The following RBMS1 variants were observed in gnomAD, a reference collection of about 807,000 sequenced individuals.
RBMS1 encodes RNA-binding motif, single-stranded-interacting protein 1.
Under a neutral mutation model 62.3 loss-of-function variants are expected in RBMS1, and 17 were observed. The ratio of observed to expected loss-of-function variants is 0.27; its 90% confidence interval spans 0.19 to 0.41. The LOEUF (loss-of-function observed/expected upper bound fraction) is 0.41. Among genes scored for constraint, RBMS1 ranks in the 10% least tolerant of loss-of-function variants. RBMS1 has a pLI of 1.00. For missense variants in RBMS1, 334 were observed against 504.5 expected, an observed-to-expected ratio of 0.66 and a Z score of 3.24; for synonymous variants, 172 against 170.0, an observed-to-expected ratio of 1.01 and a Z score of -0.09.
Position 160,310,252 on chromosome 2 carries a change from A to T in RBMS1, c.402+2904T>A, listed in dbSNP as rs77328924. Among the ~76,000 whole-genome samples the T allele has an allele frequency of 3.3e-3, 510 of 152,326 alleles. 2 individuals are homozygous for T. The highest frequency in any genetic ancestry group is 0.012 in the African/African-American group (491 of 41,576). On this transcript the variant is annotated intron_variant, in intron 4 of 13. Transcript: ENST00000348849. ...GTATGTGTGTGCACACATATAACAA[A>T]TGGTTCTGTTGGAATGGAAACACTG...
intron 1 of RBMS1, among the ~76,000 whole-genome samples, chr2:160,444,326 C>T (rs1043422141): frequency 1.3e-5 from 2 of 152,190 alleles, no homozygotes; most frequent in African/African-American, 2.4e-5. Context: ...GATATGTAAA[C>T]ATAAAGTACG....
At chr2:160,300,985 T>C (rs1315033884) in intron 5 of RBMS1, among the ~76,000 whole-genome samples, 1 of 152,234 alleles carries the variant, frequency 6.6e-6, no homozygotes, top group Non-Finnish European at 1.5e-5. Flanking sequence ...AGATCAAGTA[T>C]ATCAAACGGA....
intron 1 of RBMS1, among the ~76,000 whole-genome samples, chr2:160,451,131 T>C (rs983039316): frequency 1.4e-5 from 2 of 147,642 alleles, no homozygotes; most frequent in African/African-American, 2.5e-5. Flanking sequence ...TATTCCAGCC[T>C]GGGTGACAGA....
In RBMS1 at chr2:160,343,763, A is replaced by G. The variant is rs75057958; in HGVS notation, c.251+23453T>C. ...AGAGTGGAGCCCCTTTTTAAAACCTAAAAATAAACTATCCAGAAGGCAAGA... is the reference window on the plus strand; with the variant it reads ...AGAGTGGAGCCCCTTTTTAAAACCTGAAAATAAACTATCCAGAAGGCAAGA... On this transcript the variant is annotated intron_variant, in intron 2 of 13. Transcript: ENST00000348849. 2.0e-3 allele frequency among the ~76,000 whole-genome samples: 298 copies of G among 152,260 alleles called. 6 individuals carry two copies. In the East Asian group the frequency reaches 0.054, roughly 28 times the overall value.
chr2:160,442,876 C>T (rs958155860), intron 1 of RBMS1, among the ~76,000 whole-genome samples: 1 of 152,034 alleles, frequency 6.6e-6, no homozygotes, highest in African/African-American at 2.4e-5. Flanking sequence ...TTTTTTTCTC[C>T]TTCTTGTTTC....
chr2:160,360,370 G>C (rs76013686), intron 2 of RBMS1, among the ~76,000 whole-genome samples: 1,684 of 152,222 alleles, frequency 0.011, 18 homozygotes, highest in Non-Finnish European at 0.017. Context: ...ATCTGAGAGA[G>C]ACAGAAAGAA....
chr2:160,483,968 T>C (rs1406413898), intron 1 of RBMS1, among the ~76,000 whole-genome samples: 7 of 151,808 alleles, frequency 4.6e-5, no homozygotes, highest in African/African-American at 1.5e-4. Flanking sequence ...AGCATAGATT[T>C]GTTCAGTATT....
Position 160,273,413 on chromosome 2 carries a change from C to A in RBMS1, c.*1359G>T, listed in dbSNP as rs1456471592. On this transcript the variant is annotated 3_prime_UTR_variant, in exon 14 of 14. Coordinates refer to ENST00000348849, the MANE Select transcript of RBMS1 (RefSeq NM_016836.4). ...GAGCACAGAAGATGTGATGCTGAGA[C>A]AAGTTGGAGCTACTGGTTACTGGCT... 2 of 152,180 alleles carry A rather than the reference C, an allele frequency of 1.3e-5. No homozygotes were observed. Among genetic ancestry groups the A allele is most frequent in the Non-Finnish European group, 2.9e-5 (2 of 68,036 alleles). 9.4% of individuals were successfully genotyped at this position (152,180 alleles called of 1,614,324 possible).
At position 160,493,444 on chromosome 2, in the gene RBMS1, CCGG is replaced by C; in HGVS notation, c.-84_-82del. 1.3e-5 allele frequency: 18 copies of C among 1,410,426 alleles called. No individual in the cohort carries two copies. The highest frequency in any genetic ancestry group is 1.7e-5 in the Non-Finnish European group (17 of 1,007,428). The allele number at this position is 1,410,426 out of a possible 1,614,324, so 87.4% of individuals were successfully genotyped here. ...CTCGGGCTCTCCTGCCTCTCCCTTT[CCGG>C]CGGCGGCGGCAGCGGCGGCGGCGGC... On this transcript the variant is annotated 5_prime_UTR_variant, in exon 1 of 14. Transcript: ENST00000348849.
At chr2:160,330,547 C>T (rs1209921073) in intron 2 of RBMS1, among the ~76,000 whole-genome samples, 1 of 151,484 alleles carries the variant, frequency 6.6e-6, no homozygotes, top group Non-Finnish European at 1.5e-5. Context: ...AGGTCTTATA[C>T]ATAAGTTCCA....
At chr2:160,372,356 C>G (rs1693771660) in intron 1 of RBMS1, among the ~76,000 whole-genome samples, 1 of 152,132 alleles carries the variant, frequency 6.6e-6, no homozygotes, top group South Asian at 2.1e-4. Context: ...CCACCACCAC[C>G]ACGACCACCA....
At chr2:160,362,235 T>A (rs1188537982) in intron 2 of RBMS1, among the ~76,000 whole-genome samples, 1 of 152,230 alleles carries the variant, frequency 6.6e-6, no homozygotes, top group Non-Finnish European at 1.5e-5. Context: ...GACGTTTTGC[T>A]TTCTTATTCA....
At position 160,400,177 on chromosome 2, in the gene RBMS1, C is replaced by T. The variant is rs1043538308; in HGVS notation, c.76-32786G>A. Among the ~76,000 whole-genome samples the T allele has an allele frequency of 3.9e-5, 6 of 152,276 alleles. No homozygotes were observed. In the East Asian group the frequency reaches 7.7e-4, roughly 20 times the overall value. ...TTCTACAATGCTGACATTATCTGTA[C>T]CTTGTACTTCTTACAGAAATCCTTA... On this transcript the variant is annotated intron_variant, in intron 1 of 13. Coordinates refer to ENST00000348849, the MANE Select transcript of RBMS1 (RefSeq NM_016836.4).
At chr2:160,352,786 A>C (rs1256793948) in intron 2 of RBMS1, among the ~76,000 whole-genome samples, 1 of 152,146 alleles carries the variant, frequency 6.6e-6, no homozygotes, top group Non-Finnish European at 1.5e-5. Flanking sequence ...ATGATCTAAT[A>C]GACAGCTGTA....
rs964280222 is a variant in RBMS1, at chr2:160,466,299, G to A, written c.75+26990C>T. On this transcript the variant is annotated intron_variant, in intron 1 of 13. Coordinates refer to ENST00000348849, the MANE Select transcript of RBMS1 (RefSeq NM_016836.4). ...ATTAAATGTATTCAATAAATTATAC[G>A]GTACTGATATATTCTAGAGATTCCT... 9.9e-5 allele frequency among the ~76,000 whole-genome samples: 15 copies of A among 151,560 alleles called. No homozygotes were observed. In the South Asian group the frequency reaches 1.9e-3, roughly 19 times the overall value.
intron 1 of RBMS1, among the ~76,000 whole-genome samples, chr2:160,477,472 C>A (rs1015774032): frequency 2.0e-5 from 3 of 152,144 alleles, no homozygotes; most frequent in African/African-American, 7.2e-5. Flanking sequence ...GTGCCACAAT[C>A]CTAGCTCACT....
intron 1 of RBMS1, among the ~76,000 whole-genome samples, chr2:160,424,377 G>GGGGGAA (rs1553522140): frequency 2.0e-5 from 3 of 147,256 alleles, no homozygotes; most frequent in African/African-American, 7.7e-5. Flanking sequence ...GGGGGGGGGG[G>GGGGGAA]AAACAAAAAG....
chr2:160,278,483 A>C, intron 11 of RBMS1, 65 bp downstream of exon 11: 1 of 1,292,636 alleles, frequency 7.7e-7, no homozygotes, highest in Non-Finnish European at 1.1e-6. Context: ...GATAGGGAAG[A>C]TACAGGCTGC....
intron 2 of RBMS1, among the ~76,000 whole-genome samples, chr2:160,337,070 T>C (rs1234626807): frequency 2.6e-5 from 4 of 152,180 alleles, no homozygotes; most frequent in Non-Finnish European, 5.9e-5. Flanking sequence ...TCTGAGAATG[T>C]CTGAATAGCA....
Sources: gnomAD v4.1 joint callset for allele counts (sites outside exome capture counted in the v4.1 genomes callset) on GRCh38, gnomAD v4.1.1 for gene constraint, MANE v1.5 for transcripts, NCBI Gene and HGNC (gene_info 2026-07-23, HGNC 2026-07-21) for gene names.